IL1RAPL1: variants seen among roughly 807,000 people sequenced by gnomAD.
The protein encoded by IL1RAPL1 is interleukin 1 receptor accessory protein like 1.
A neutral mutation model predicts 48.4 loss-of-function variants in IL1RAPL1; 3 were observed. The observed-to-expected ratio is 0.06, with a 90% CI of 0.03 to 0.16. The LOEUF (loss-of-function observed/expected upper bound fraction) is 0.16, where lower values mean the gene tolerates loss of function less well. IL1RAPL1 is among the 10% of genes least tolerant of loss of function. The pLI, the probability that IL1RAPL1 is intolerant of heterozygous loss-of-function variation, is 1.00. For synonymous variants in IL1RAPL1, 185 were observed against 187.7 expected (o/e 0.99, Z 0.12); for missense variants, 349 against 530.6 (o/e 0.66, Z 3.36).
At chrX:29,315,659 C>T (rs1002755678) in intron 3 of IL1RAPL1, among the ~76,000 whole-genome samples, 2 of 111,593 alleles carry the variant, frequency 1.8e-5, no homozygotes, top group South Asian at 3.7e-4. Flanking sequence ...TTAAGGTCCA[C>T]GTGCAAAATT....
At chrX:28,743,372 G>A (rs939209858) in intron 1 of IL1RAPL1, among the ~76,000 whole-genome samples, 3 of 111,182 alleles carry the variant, frequency 2.7e-5, no homozygotes, top group African/African-American at 9.8e-5. Flanking sequence ...TGACTTTTCC[G>A]AAACATAATT....
intron 1 of IL1RAPL1, among the ~76,000 whole-genome samples, chrX:28,607,951 A>C (rs1238629479): frequency 9.0e-6 from 1 of 111,455 alleles, no homozygotes; most frequent in Non-Finnish European, 1.9e-5. Flanking sequence ...TAGAGTTTGC[A>C]CGCAGAGGCT....
At chrX:29,912,769 A>G (rs893164148) in intron 6 of IL1RAPL1, among the ~76,000 whole-genome samples, 1 of 112,308 alleles carries the variant, frequency 8.9e-6, no homozygotes, top group African/African-American at 3.2e-5. Context: ...CAGATGCTAA[A>G]AACCTGTTGT....
Position 28,963,498 on chromosome X carries a change from CAAGTAGATG to C in IL1RAPL1, c.82+174078_82+174086del, listed in dbSNP as rs1336675977. ...ACATAGAAATTAATAAATATATATA[CAAGTAGATG>C]AAGTTAAAATTAATGAAAATTGAAC... On this transcript the variant is annotated intron_variant, in intron 2 of 10. Transcript: ENST00000378993. 2.4e-4 allele frequency among the ~76,000 whole-genome samples: 27 copies of C among 110,632 alleles called. No homozygotes were observed. In the South Asian group the frequency reaches 0.01, roughly 42 times the overall value.
intron 5 of IL1RAPL1, among the ~76,000 whole-genome samples, chrX:29,458,275 A>C (rs1343451717): frequency 8.9e-6 from 1 of 112,310 alleles, no homozygotes; most frequent in Non-Finnish European, 1.9e-5. Flanking sequence ...CTCTTTAATT[A>C]GGTCCCAGTT....
intron 5 of IL1RAPL1, among the ~76,000 whole-genome samples, chrX:29,552,292 G>T (rs1019078296): frequency 1.8e-5 from 2 of 111,107 alleles, no homozygotes; most frequent in Non-Finnish European, 3.8e-5. Context: ...CTATTAATAT[G>T]CCTTTTGTCA....
At chrX:28,700,269 G>A (rs757408455) in intron 1 of IL1RAPL1, among the ~76,000 whole-genome samples, 2 of 110,814 alleles carry the variant, frequency 1.8e-5, no homozygotes, top group Non-Finnish European at 3.8e-5. Flanking sequence ...GGAAGAAGTA[G>A]CTACTTAATT....
At chrX:29,557,043 G>A (rs749098585) in intron 5 of IL1RAPL1, among the ~76,000 whole-genome samples, 1 of 111,896 alleles carries the variant, frequency 8.9e-6, no homozygotes, top group Admixed American at 9.5e-5. Context: ...AAATATTATA[G>A]TACTTCAGCC....
intron 2 of IL1RAPL1, among the ~76,000 whole-genome samples, chrX:28,996,418 A>C (rs1925726493): frequency 9.0e-6 from 1 of 111,532 alleles, no homozygotes; most frequent in Non-Finnish European, 1.9e-5. Context: ...GTTGCCATAA[A>C]ATTTTTTGTA....
chrX:28,647,648 A>G (rs1163131562), intron 1 of IL1RAPL1, among the ~76,000 whole-genome samples: 2 of 111,933 alleles, frequency 1.8e-5, no homozygotes, highest in Non-Finnish European at 3.8e-5. Flanking sequence ...AGTTTGGACA[A>G]ATTTCATTGC....
At chrX:29,075,640 A>C (rs757761161) in intron 2 of IL1RAPL1, among the ~76,000 whole-genome samples, 1 of 112,227 alleles carries the variant, frequency 8.9e-6, no homozygotes, top group Non-Finnish European at 1.9e-5. Context: ...TAAGAGTAAT[A>C]TATTCTCAAG....
chrX:28,592,451 C>T (rs1933915708), intron 1 of IL1RAPL1, among the ~76,000 whole-genome samples: 1 of 111,358 alleles, frequency 9.0e-6, no homozygotes, highest in Non-Finnish European at 1.9e-5. Flanking sequence ...TAAAGATACC[C>T]GGTCTGTTTG....
At chrX:28,933,461 A>G (rs761675011) in intron 2 of IL1RAPL1, among the ~76,000 whole-genome samples, 8 of 111,926 alleles carry the variant, frequency 7.1e-5, no homozygotes, top group Non-Finnish European at 1.5e-4. Flanking sequence ...ATAATATGTC[A>G]GTAGTTTTAT....
At chrX:28,679,445 C>T (rs1935033584) in intron 1 of IL1RAPL1, among the ~76,000 whole-genome samples, 1 of 110,483 alleles carries the variant, frequency 9.1e-6, no homozygotes, top group Admixed American at 9.6e-5. Flanking sequence ...TAATTGTTTG[C>T]TGTGTAGAAG....
chrX:29,802,963 GTGTA>G, intron 6 of IL1RAPL1, among the ~76,000 whole-genome samples: 1 of 87,886 alleles, frequency 1.1e-5, no homozygotes, highest in South Asian at 5.0e-4. Context: ...ATGTATACAT[GTGTA>G]CATATATACA....
chrX:29,563,268 G>T (rs866239067), intron 5 of IL1RAPL1, among the ~76,000 whole-genome samples: 6 of 111,254 alleles, frequency 5.4e-5, no homozygotes, highest in African/African-American at 2.0e-4. Flanking sequence ...TTATATTTTG[G>T]TCAGTCTATT....
chrX:28,613,857 TA>T (rs1358290187), intron 1 of IL1RAPL1, among the ~76,000 whole-genome samples: 1 of 112,356 alleles, frequency 8.9e-6, no homozygotes, highest in African/African-American at 3.2e-5. Context: ...GGAGACAGAT[TA>T]ATTTTAACTC....
chrX:28,878,016 A>C (rs745655674), intron 2 of IL1RAPL1, among the ~76,000 whole-genome samples: 1 of 112,492 alleles, frequency 8.9e-6, no homozygotes, highest in African/African-American at 3.2e-5. Context: ...CACATAATGC[A>C]GATATTGTCA....
At chrX:28,810,516 A>G (rs1305229838) in intron 2 of IL1RAPL1, among the ~76,000 whole-genome samples, 1 of 111,171 alleles carries the variant, frequency 9.0e-6, no homozygotes, top group Non-Finnish European at 1.9e-5. Context: ...CAATCAATGA[A>G]TATCACAGAA....
Sources: allele counts gnomAD v4.1 joint callset (sites outside exome capture counted in the v4.1 genomes callset), GRCh38; gene constraint gnomAD v4.1.1; transcripts MANE v1.5; gene names NCBI Gene and HGNC (gene_info 2026-07-23, HGNC 2026-07-21).